Variants in CSGALNACT1 observed in about 807,000 individuals in gnomAD.
The protein encoded by CSGALNACT1 is chondroitin sulfate N-acetylgalactosaminyltransferase 1.
Under a neutral mutation model 51.0 loss-of-function variants are expected in CSGALNACT1, and 52 were observed. The observed-to-expected ratio is 1.02, with a 90% CI of 0.82 to 1.29. The LOEUF (loss-of-function observed/expected upper bound fraction) is 1.29, where lower values mean the gene tolerates loss of function less well. CSGALNACT1 is among the 50% of genes most tolerant of loss of function. The probability of loss-of-function intolerance (pLI) is 0.00; values close to 1 mark genes in which losing one functional copy is unlikely to be tolerated. For missense variants in CSGALNACT1, 935 were observed against 679.2 expected, an observed-to-expected ratio of 1.38 and a Z score of -4.19; for synonymous variants, 341 against 254.4, an observed-to-expected ratio of 1.34 and a Z score of -3.24.
At chr8:19,404,476 A>C (rs2053765660) in exon 10 of CSGALNACT1, 5 of 453,878 alleles carry the variant, frequency 1.1e-5, no homozygotes, top group Non-Finnish European at 1.3e-5. Context: ...AATTTTCAGA[A>C]GCATCTTGGT....
intron 1 of CSGALNACT1, among the ~76,000 whole-genome samples, chr8:19,659,066 C>G (rs997552544): frequency 2.0e-5 from 3 of 152,128 alleles, no homozygotes; most frequent in East Asian, 3.9e-4. Context: ...GGGCTCCCCC[C>G]AACCCACCCA....
chr8:19,599,138 G>A (rs202186551), intron 2 of CSGALNACT1, among the ~76,000 whole-genome samples: 5 of 151,750 alleles, frequency 3.3e-5, no homozygotes, highest in African/African-American at 7.3e-5. Flanking sequence ...TCGGGGAGGG[G>A]GAGCACAGAG....
rs568217774 is a variant in CSGALNACT1, at chr8:19,550,163, T to A, written c.-297+40997A>T. 2.6e-5 allele frequency among the ~76,000 whole-genome samples: 4 copies of A among 152,272 alleles called. No individual in the cohort carries two copies. In the South Asian group the frequency reaches 6.2e-4, roughly 24 times the overall value. On this transcript the variant is annotated intron_variant, in intron 3 of 9. Transcript: ENST00000454498. ...GAAACTTTGCTTTTTTAGGTTTTTG[T>A]TTTTAAGCGAAGGAGTCTTGTTGTG...
intron 1 of CSGALNACT1, among the ~76,000 whole-genome samples, chr8:19,717,033 G>C (rs1458459264): frequency 6.6e-6 from 1 of 152,110 alleles, no homozygotes; most frequent in Non-Finnish European, 1.5e-5. Context: ...GGATAAACGA[G>C]GCAAAAATTC....
At chr8:19,631,340 T>C (rs908028677) in intron 1 of CSGALNACT1, among the ~76,000 whole-genome samples, 2 of 152,346 alleles carry the variant, frequency 1.3e-5, no homozygotes, top group East Asian at 1.9e-4. Context: ...GAGTTTCTGT[T>C]GCTCCACATC....
intron 3 of CSGALNACT1, among the ~76,000 whole-genome samples, chr8:19,538,452 T>A (rs1259191545): frequency 2.0e-5 from 3 of 152,170 alleles, no homozygotes; most frequent in East Asian, 3.9e-4. Flanking sequence ...AAAGCAATGA[T>A]GCAGGCAAAA....
chr8:19,430,681 C>T (rs1299693664), intron 6 of CSGALNACT1, among the ~76,000 whole-genome samples: 2 of 152,080 alleles, frequency 1.3e-5, no homozygotes, highest in African/African-American at 4.8e-5. Flanking sequence ...CTATTTTGGG[C>T]CCTTGCATTT....
intron 2 of CSGALNACT1, among the ~76,000 whole-genome samples, chr8:19,601,017 C>T (rs958125198): frequency 8.6e-5 from 13 of 151,700 alleles, no homozygotes; most frequent in Non-Finnish European, 1.3e-4. Flanking sequence ...ACCATATATA[C>T]AGCTTCCTGT....
intron 2 of CSGALNACT1, among the ~76,000 whole-genome samples, chr8:19,600,548 C>T (rs551525276): frequency 4.8e-4 from 73 of 152,330 alleles, no homozygotes; most frequent in Non-Finnish European, 6.9e-4. Context: ...CAGTTCCATA[C>T]GCCCTTCAAG....
chr8:19,745,962 C>T (rs996556162), intron 1 of CSGALNACT1, among the ~76,000 whole-genome samples: 8 of 152,178 alleles, frequency 5.3e-5, no homozygotes, highest in South Asian at 2.1e-4. Context: ...TAGGCAATTA[C>T]GATGGATGAA....
intron 3 of CSGALNACT1, among the ~76,000 whole-genome samples, chr8:19,557,383 T>C (rs2039701341): frequency 6.6e-6 from 1 of 152,162 alleles, no homozygotes; most frequent in South Asian, 2.1e-4. Flanking sequence ...AGTCAGATTT[T>C]GTTATGTTCC....
intron 4 of CSGALNACT1, among the ~76,000 whole-genome samples, chr8:19,463,068 A>G (rs945422941): frequency 6.6e-6 from 1 of 152,062 alleles, no homozygotes; most frequent in African/African-American, 2.4e-5. Flanking sequence ...AAGTGAGAAC[A>G]TGTGTTATTT....
At chr8:19,459,281 G>A (rs1000453334) in intron 4 of CSGALNACT1, among the ~76,000 whole-genome samples, 4 of 151,296 alleles carry the variant, frequency 2.6e-5, no homozygotes, top group Non-Finnish European at 5.9e-5. Flanking sequence ...TACTTGGGAG[G>A]CTGAGGCAGG....
At chr8:19,457,109 A>C (rs928273041) in intron 5 of CSGALNACT1, among the ~76,000 whole-genome samples, 1 of 152,204 alleles carries the variant, frequency 6.6e-6, no homozygotes, top group Admixed American at 6.5e-5. Flanking sequence ...AGAGAACCCT[A>C]CGTCAGAAAG....
chr8:19,412,759 A>T (rs2056101547), intron 8 of CSGALNACT1, among the ~76,000 whole-genome samples: 1 of 152,048 alleles, frequency 6.6e-6, no homozygotes, highest in Admixed American at 6.5e-5. Context: ...TGTCAATTAC[A>T]TAGCAGTTTC....
chr8:19,713,497 A>G (rs1337065818), intron 1 of CSGALNACT1, among the ~76,000 whole-genome samples: 1 of 152,206 alleles, frequency 6.6e-6, no homozygotes, highest in Non-Finnish European at 1.5e-5. Flanking sequence ...TTTTTTGGAA[A>G]TAAGGTTGCT....
chr8:19,698,825 A>G (rs1398178465), intron 1 of CSGALNACT1, among the ~76,000 whole-genome samples: 4 of 152,178 alleles, frequency 2.6e-5, no homozygotes, highest in African/African-American at 9.7e-5. Flanking sequence ...CTAAGTATAC[A>G]ATCATCCCTC....
At chr8:19,581,123 G>T (rs190118449) in intron 3 of CSGALNACT1, among the ~76,000 whole-genome samples, 1 of 152,172 alleles carries the variant, frequency 6.6e-6, no homozygotes, top group African/African-American at 2.4e-5. Flanking sequence ...CTGATGAAAG[G>T]TATCAAGCCT....
chr8:19,704,906 G>A (rs1199173507), intron 1 of CSGALNACT1, among the ~76,000 whole-genome samples: 1 of 152,178 alleles, frequency 6.6e-6, no homozygotes, highest in Non-Finnish European at 1.5e-5. Context: ...AACTCAAACA[G>A]ACTAAAAGGG....
Sources: allele counts gnomAD v4.1 joint callset (sites outside exome capture counted in the v4.1 genomes callset), GRCh38; gene constraint gnomAD v4.1.1; transcripts MANE v1.5; gene names NCBI Gene and HGNC (gene_info 2026-07-23, HGNC 2026-07-21).